The following PKHD1 variants were observed in gnomAD, a reference collection of about 807,000 sequenced individuals.
PKHD1 encodes the protein PKHD1 ciliary IPT domain containing fibrocystin/polyductin, also known as fibrocystin.
In PKHD1, 291 loss-of-function variants were observed where a neutral mutation model predicts 412.0. That is an observed-to-expected ratio of 0.71 (90% CI 0.64 to 0.78). The LOEUF is 0.78. Ranked by LOEUF, PKHD1 falls within the 30% of genes least tolerant of loss-of-function variation. PKHD1 has a pLI of 0.00. For synonymous variants in PKHD1, 1,777 were observed against 1,821.5 expected (o/e 0.98, Z 0.62); for missense variants, 4,825 against 4,950.7 (o/e 0.97, Z 0.76).
intron 35 of PKHD1, among the ~76,000 whole-genome samples, chr6:52,008,750 C>G (rs1799412120): frequency 6.6e-6 from 1 of 152,036 alleles, no homozygotes; most frequent in Non-Finnish European, 1.5e-5. Flanking sequence ...GAAGTGGGAA[C>G]TATTATTGAC....
At chr6:51,871,176 T>TA (rs1775938988) in intron 46 of PKHD1, among the ~76,000 whole-genome samples, 1 of 152,162 alleles carries the variant, frequency 6.6e-6, no homozygotes, top group South Asian at 2.1e-4. Flanking sequence ...AACTCCTAGG[T>TA]ATTTACCTTG....
chr6:51,712,019 C>T (rs1780719622), intron 60 of PKHD1, among the ~76,000 whole-genome samples: 1 of 152,186 alleles, frequency 6.6e-6, no homozygotes, highest in Non-Finnish European at 1.5e-5. Flanking sequence ...ACATTATGCT[C>T]TCAGCCTAGA....
At chr6:51,790,609 A>C (rs6458777) in intron 53 of PKHD1, among the ~76,000 whole-genome samples, 1 of 151,952 alleles carries the variant, frequency 6.6e-6, no homozygotes, top group Non-Finnish European at 1.5e-5. Flanking sequence ...TTGTCCCAAG[A>C]TATGGTGGTT....
chr6:51,714,573 G>A (rs1781036241), intron 60 of PKHD1, among the ~76,000 whole-genome samples: 1 of 152,112 alleles, frequency 6.6e-6, no homozygotes. Context: ...TACCGTATAT[G>A]GCTATGTAAA....
In PKHD1 at chr6:51,969,788, CAT is replaced by C. The variant is rs373608853; in HGVS notation, c.5752-9764_5752-9763del. 5.1e-4 allele frequency among the ~76,000 whole-genome samples: 78 copies of C among 151,948 alleles called. 1 individual carries two copies. The highest frequency in any genetic ancestry group is 1.8e-3 in the African/African-American group (76 of 41,480). On this transcript the variant is annotated intron_variant, in intron 35 of 66. Coordinates refer to ENST00000371117, the MANE Select transcript of PKHD1 (RefSeq NM_138694.4). Reference sequence around the variant, plus strand: ...ATATATGTGTACACACACACACACACATATATATATAAATACATACACACCAT... The same window carrying C: ...ATATATGTGTACACACACACACACACATATATATAAATACATACACACCAT...
intron 52 of PKHD1, among the ~76,000 whole-genome samples, chr6:51,797,876 G>A (rs556258236): frequency 6.6e-6 from 1 of 152,132 alleles, no homozygotes; most frequent in Admixed American, 6.5e-5. Context: ...TTGCAGACTT[G>A]TTTATGTGGT....
At chr6:51,802,203 T>C (rs1007749244) in intron 52 of PKHD1, among the ~76,000 whole-genome samples, 3 of 151,882 alleles carry the variant, frequency 2.0e-5, no homozygotes, top group Non-Finnish European at 2.9e-5. Context: ...CCAAGGTCTA[T>C]AGTTGTCACC....
At chr6:51,787,175 A>G (rs1283620431) in intron 53 of PKHD1, among the ~76,000 whole-genome samples, 1 of 152,166 alleles carries the variant, frequency 6.6e-6, no homozygotes, top group Non-Finnish European at 1.5e-5. Context: ...CCTGGCCAAC[A>G]TGGTGAAACC....
intron 60 of PKHD1, among the ~76,000 whole-genome samples, chr6:51,710,144 A>T (rs940884310): frequency 6.6e-6 from 1 of 152,178 alleles, no homozygotes; most frequent in Non-Finnish European, 1.5e-5. Flanking sequence ...CGGGAGGCAG[A>T]GGTTCCCGTG....
chr6:51,989,901 G>GAGGA (rs1562072321), intron 35 of PKHD1, among the ~76,000 whole-genome samples: 4 of 2,748 alleles, frequency 1.5e-3, no homozygotes, highest in African/African-American at 3.2e-3. Context: ...AGGAAGGAGG[G>GAGGA]AGGAAGGAAG....
intron 61 of PKHD1, among the ~76,000 whole-genome samples, chr6:51,655,641 T>C (rs1325395751): frequency 6.6e-6 from 1 of 152,120 alleles, no homozygotes; most frequent in Admixed American, 6.6e-5. Flanking sequence ...TGGCTTACAG[T>C]AACACAAATG....
At chr6:52,063,979 A>C (rs1809099145) in intron 13 of PKHD1, among the ~76,000 whole-genome samples, 1 of 152,264 alleles carries the variant, frequency 6.6e-6, no homozygotes, top group Non-Finnish European at 1.5e-5. Context: ...TCCTGACAGG[A>C]AACACACATT....
chr6:51,658,629 TTAAA>T (rs776926160), intron 61 of PKHD1, among the ~76,000 whole-genome samples: 6 of 152,186 alleles, frequency 3.9e-5, no homozygotes, highest in Non-Finnish European at 7.4e-5. Context: ...CTTAAATTCA[TTAAA>T]TAAATAAATA....
chr6:51,841,962 C>G (rs1346462643), intron 50 of PKHD1, among the ~76,000 whole-genome samples: 1 of 152,208 alleles, frequency 6.6e-6, no homozygotes. Context: ...TTAGGCTCTC[C>G]CAAATTAACA....
rs376095490 is a variant in PKHD1 at position 51,848,238 on chromosome 6, T to C, written c.7912-268A>G. ...GGTTCATCTCGTTTAACAATCTCAA[T>C]TACCAGAGGAGAAAGCCAAGGCCCA... On this transcript the variant is annotated intron_variant, in intron 49 of 66. Coordinates refer to ENST00000371117, the MANE Select transcript of PKHD1 (RefSeq NM_138694.4). Among the ~76,000 whole-genome samples the C allele has an allele frequency of 5.9e-5, 9 of 152,268 alleles. No individual in the cohort carries two copies. In the East Asian group the frequency reaches 9.6e-4, roughly 16 times the overall value.
intron 52 of PKHD1, among the ~76,000 whole-genome samples, chr6:51,815,536 T>C (rs998413357): frequency 6.6e-6 from 1 of 151,948 alleles, no homozygotes; most frequent in African/African-American, 2.4e-5. Context: ...CAAGTAAAAA[T>C]AACTGGAAAA....
chr6:51,817,554 C>A (rs1416772714), intron 52 of PKHD1, among the ~76,000 whole-genome samples: 1 of 152,126 alleles, frequency 6.6e-6, no homozygotes, highest in Non-Finnish European at 1.5e-5. Context: ...AGAGCAAACA[C>A]CCCAAGGCAT....
intron 66 of PKHD1, among the ~76,000 whole-genome samples, chr6:51,624,277 G>C (rs1317791789): frequency 6.6e-6 from 1 of 152,128 alleles, no homozygotes; most frequent in Non-Finnish European, 1.5e-5. Flanking sequence ...AAGTTGTCTT[G>C]TGGGACAACT....
chr6:52,025,773 T>C lies in PKHD1; in HGVS notation c.4037A>G (p.Asn1346Ser), dbSNP rs749409379. ...GATGGAGCATCCAGACAGGCTCACG[T>C]TGCCCTGGAAGGACTGTGTCTCAAC... ...CDVETQSFQG[N>S]VSLSGCSIPL... The change falls in exon 32 of 67, where the codon AAC (asparagine) becomes AGC (serine). Residue 1346 changes from asparagine to serine, a missense_variant. Coordinates refer to ENST00000371117, the MANE Select transcript of PKHD1 (RefSeq NM_138694.4). The C allele has an allele frequency of 1.2e-6, 2 of 1,614,188 alleles. No individual in the cohort carries two copies. Among genetic ancestry groups the C allele is most frequent in the Admixed American group, 3.3e-5 (2 of 60,030 alleles).
Sources: allele counts gnomAD v4.1 joint callset (sites outside exome capture counted in the v4.1 genomes callset), GRCh38; gene constraint gnomAD v4.1.1; transcripts MANE v1.5; gene names NCBI Gene and HGNC (gene_info 2026-07-23, HGNC 2026-07-21).